COL16A1: variants seen among roughly 807,000 people sequenced by gnomAD.
COL16A1 encodes the protein collagen alpha-1(XVI) chain.
Under a neutral mutation model 266.3 loss-of-function variants are expected in COL16A1, and 189 were observed. That is an observed-to-expected ratio of 0.71 (90% CI 0.63 to 0.80). The LOEUF is 0.80. Among genes scored for constraint, COL16A1 ranks in the 30% least tolerant of loss-of-function variants. The probability of loss-of-function intolerance (pLI) is 0.00; values close to 1 mark genes in which losing one functional copy is unlikely to be tolerated. For missense variants in COL16A1, 1,928 were observed against 2,122.4 expected (o/e 0.91, Z 1.80); for synonymous variants, 740 against 782.3 (o/e 0.95, Z 0.90).
At chr1:31,686,453 G>A in intron 26 of COL16A1, 174 bp from the exon 27 acceptor site, 3 of 872,086 alleles carry the variant, frequency 3.4e-6, no homozygotes, top group East Asian at 5.3e-5. Context: ...ACCAGCCAGG[G>A]GCTAGAAGCC....
At position 31,663,032 on chromosome 1, in the gene COL16A1, C is replaced by T; in HGVS notation, c.3556-374G>A. The T allele has an allele frequency of 3.4e-6, 1 of 291,746 alleles. No homozygotes were observed. Among genetic ancestry groups the T allele is most frequent in the Non-Finnish European group, 6.6e-6 (1 of 151,884 alleles). 18.1% of individuals were successfully genotyped at this position (291,746 alleles called of 1,614,324 possible). A position where few individuals can be genotyped will look rare whatever the true frequency, so the allele number is the denominator to read the frequency against. On this transcript the variant is annotated intron_variant, in intron 56 of 70. Transcript: ENST00000373672. This position sits in a 1 kb window ranked among gnomAD's most constrained non-coding sequence, Gnocchi z 4.9. Reference sequence around the variant, plus strand: ...TACTCCATCAGACCCCCTGCCTCCTCCCCACCTACCTCCCTACCTTTCCCC... The same window carrying T: ...TACTCCATCAGACCCCCTGCCTCCTTCCCACCTACCTCCCTACCTTTCCCC...
At chr1:31,665,273 C>T in intron 55 of COL16A1, 39 bp from the exon 56 acceptor site, 1 of 1,578,286 alleles carries the variant, frequency 6.3e-7, no homozygotes, top group Non-Finnish European at 8.6e-7. Context: ...GAAAGTGGGG[C>T]TGGAGGGGGA....
At position 31,688,515 on chromosome 1, in the gene COL16A1, C is replaced by A. The variant is rs1245113402; in HGVS notation, c.1768-13G>T. On this transcript the variant is annotated splice_polypyrimidine_tract_variant and intron_variant, in intron 25 of 70. Coordinates refer to ENST00000373672, the MANE Select transcript of COL16A1 (RefSeq NM_001856.4). The surrounding 1 kb of genome is among the most constrained non-coding windows in gnomAD (Gnocchi z 4.9). ...CCCCAGCTCTACCCTGAAAAACAAC[C>A]AAGACAGAGTCTCAGCATCTCCCCA... 6.2e-7 allele frequency: 1 copy of A among 1,613,976 alleles called. No homozygotes were observed. Among genetic ancestry groups the A allele is most frequent in the Non-Finnish European group, 8.5e-7 (1 of 1,180,036 alleles).
chr1:31,683,689 G>A lies in COL16A1; in HGVS notation c.2379+18C>T. ...GGAAGTGCTGAGAGGACAGGCAAAGGCAGGGCTAGAGACTCACCTGGGGTC... is the reference window on the plus strand; with the variant it reads ...GGAAGTGCTGAGAGGACAGGCAAAGACAGGGCTAGAGACTCACCTGGGGTC... On this transcript the variant is annotated intron_variant, in intron 34 of 70. Transcript: ENST00000373672. 1.9e-6 allele frequency: 3 copies of A among 1,614,066 alleles called. No homozygotes were observed. Among genetic ancestry groups the A allele is most frequent in the Non-Finnish European group, 2.5e-6 (3 of 1,180,000 alleles).
chr1:31,694,915 G>A (rs943038040), intron 11 of COL16A1, among the ~76,000 whole-genome samples: 3 of 152,174 alleles, frequency 2.0e-5, no homozygotes, highest in Non-Finnish European at 4.4e-5. Context: ...CAACCAAGGC[G>A]CTGGTCCTGC....
In COL16A1 at chr1:31,695,216, C is replaced by T. The variant is rs772606360; in HGVS notation, c.951G>A (p.Pro317=). Residue 317 remains proline, a synonymous_variant, in exon 11 of 71, where the codon CCG becomes CCA. Transcript: ENST00000373672. The part of the protein sequence containing the change: ...VHQETAADEC[P]PCVHGARDSN... ...TGTCCCGGGCACCATGGACACAGGG[C>T]GGACACTGAAAGGGAAGAGCAGGCG... 1.2e-4 allele frequency: 200 copies of T among 1,613,718 alleles called. No individual in the cohort carries two copies. Among genetic ancestry groups the T allele is most frequent in the Non-Finnish European group, 1.6e-4 (188 of 1,179,972 alleles).
At chr1:31,675,681 A>G (rs1643125151) in intron 42 of COL16A1, among the ~76,000 whole-genome samples, 1 of 150,672 alleles carries the variant, frequency 6.6e-6, no homozygotes, top group African/African-American at 2.4e-5. Flanking sequence ...TTTTCTTTGT[A>G]GAGACGGGGT....
chr1:31,654,704 C>T (rs755189786), intron 68 of COL16A1, 88 bp downstream of exon 68: 203 of 1,606,398 alleles, frequency 1.3e-4, no homozygotes, highest in Non-Finnish European at 1.7e-4. Context: ...GGACATTGAG[C>T]GTTAAGGAGA....
chr1:31,698,380 A>C lies in COL16A1; in HGVS notation c.390+103T>G. The C allele has an allele frequency of 2.6e-6, 4 of 1,566,428 alleles. No homozygotes were observed. In the South Asian group the frequency reaches 4.8e-5, roughly 19 times the overall value. On this transcript the variant is annotated intron_variant, in intron 5 of 70. Transcript: ENST00000373672. This position sits in a 1 kb window ranked among gnomAD's most constrained non-coding sequence, Gnocchi z 4.1. ...GGACAGGCTTGAGGGTAGGCACAGG[A>C]TGGAGCAGGGAGACCCCAGAAGTCA...
chr1:31,684,814 C>A lies in COL16A1; in HGVS notation c.2052+7G>T. 1 of 1,614,114 alleles carries A rather than the reference C, an allele frequency of 6.2e-7. No individual in the cohort carries two copies. Among genetic ancestry groups the A allele is most frequent in the Non-Finnish European group, 8.5e-7 (1 of 1,180,022 alleles). On this transcript the variant is annotated splice_region_variant and intron_variant, in intron 30 of 70. Coordinates refer to ENST00000373672, the MANE Select transcript of COL16A1 (RefSeq NM_001856.4). The stretch of plus-strand genomic sequence containing the variant: ...GCCCACCCCCGTGCCCACGGACGCC[C>A]TCTCACCTTCTGCCCCTTCAGTCCA...
At chr1:31,666,247 C>G (rs1176100137) in intron 52 of COL16A1, 166 bp from the exon 53 acceptor site, 5 of 733,872 alleles carry the variant, frequency 6.8e-6, no homozygotes, top group East Asian at 5.6e-5. Context: ...TGCTCTTGCC[C>G]GAGCTACTGA....
At chr1:31,701,317 G>C in intron 2 of COL16A1, 2 of 985,380 alleles carry the variant, frequency 2.0e-6, no homozygotes, top group Non-Finnish European at 2.4e-6. Context: ...AGGGAGAGGA[G>C]AGCAAAGCTC....
chr1:31,667,620 C>G lies in COL16A1; in HGVS notation c.3312G>C (p.Lys1104Asn). 4 of 1,605,644 alleles carry G rather than the reference C, an allele frequency of 2.5e-6. No individual in the cohort carries two copies. The South Asian group carries it at 3.4e-5, about 13-fold the overall frequency. Residue 1104 changes from lysine (K) to asparagine (N), a missense_variant, in exon 52 of 71, where the codon AAG becomes AAC. Coordinates refer to ENST00000373672, the MANE Select transcript of COL16A1 (RefSeq NM_001856.4). ...ATGPPGLPGIKGERGYTGSAG... is the reference protein window; with the variant it reads ...ATGPPGLPGINGERGYTGSAG... The stretch of plus-strand genomic sequence containing the variant: ...CTGACCCGGTGTAGCCACGCTCCCC[C>G]TTGATGCCCTGACAAGTGGCAAAGA...
At chr1:31,686,808 G>T (rs1302541366) in intron 26 of COL16A1, among the ~76,000 whole-genome samples, 2 of 152,256 alleles carry the variant, frequency 1.3e-5, no homozygotes, top group East Asian at 3.8e-4. Context: ...AAGAATGGGG[G>T]AGGGTAGAGA....
At chr1:31,690,245 G>C in intron 22 of COL16A1, 122 bp downstream of exon 22, 1 of 1,455,360 alleles carries the variant, frequency 6.9e-7, no homozygotes, top group East Asian at 2.5e-5. Flanking sequence ...GAGGAAGAAC[G>C]GGTGGGGGTC....
In COL16A1 at chr1:31,657,177, A is replaced by G. The variant is rs1641239773; in HGVS notation, c.4021-109T>C. ...CAGCCCCCTGTTCCACCCAGAGGCC[A>G]CGATCCTCCAGCCCTCACCCTCTGA... On this transcript the variant is annotated intron_variant, in intron 64 of 70. Transcript: ENST00000373672. The surrounding 1 kb of genome is among the most constrained non-coding windows in gnomAD (Gnocchi z 6.4). 1 of 1,381,136 alleles carries G rather than the reference A, an allele frequency of 7.2e-7. No homozygotes were observed. Among genetic ancestry groups the G allele is most frequent in the African/African-American group, 1.4e-5 (1 of 70,084 alleles). The allele number at this position is 1,381,136 out of a possible 1,614,324, so 85.6% of individuals were successfully genotyped here.
chr1:31,668,178 G>A lies in COL16A1; in HGVS notation c.3290C>T (p.Pro1097Leu), dbSNP rs760114236. Residue 1097 changes from proline to leucine, a missense_variant, in exon 51 of 71, where the codon CCC (proline) becomes CTC (leucine). By Grantham distance (98) the Pro-to-Leu change is moderately conservative (BLOSUM62 -3). Coordinates refer to ENST00000373672, the MANE Select transcript of COL16A1 (RefSeq NM_001856.4). The surrounding 1 kb of genome is among the most constrained non-coding windows in gnomAD (Gnocchi z 5.8). ...GQPGYPGATG[P>L]PGLPGIKGER... ...CCCCTTACTCACAGGCAGTCCTGGGGGGCCCGTGGCACCTGGGTAACCTGG... is the reference window on the plus strand; with the variant it reads ...CCCCTTACTCACAGGCAGTCCTGGGAGGCCCGTGGCACCTGGGTAACCTGG... 5 of 1,612,860 alleles carry A rather than the reference G, an allele frequency of 3.1e-6. No individual in the cohort carries two copies. In the South Asian group the frequency reaches 5.5e-5, roughly 18 times the overall value.
rs1238665607 is a variant in COL16A1 at position 31,679,621 on chromosome 1, T to TC, written c.2772+10dup. Reference sequence around the variant, plus strand: ...GCCACCCAAGCTCCTCATTCTCTTCTCCCCCTTTACCTGCAGCCCAGGTAC... The same window carrying TC: ...GCCACCCAAGCTCCTCATTCTCTTCTCCCCCCTTTACCTGCAGCCCAGGTAC... On this transcript the variant is annotated intron_variant, in intron 42 of 70. Transcript: ENST00000373672. 6.2e-7 allele frequency: 1 copy of TC among 1,614,018 alleles called. No homozygotes were observed. The highest frequency in any genetic ancestry group is 8.5e-7 in the Non-Finnish European group (1 of 1,179,996).
At position 31,670,510 on chromosome 1, in the gene COL16A1, GAGGTGA is replaced by G. The variant is rs1236518540; in HGVS notation, c.3195+86_3195+91del. ...AGGGGGACAACAAACACGGAGGACG[GAGGTGA>G]AGGCACGACAGGAGGGAGACAAGCA... On this transcript the variant is annotated intron_variant, in intron 49 of 70. Coordinates refer to ENST00000373672, the MANE Select transcript of COL16A1 (RefSeq NM_001856.4). The surrounding 1 kb of genome is among the most constrained non-coding windows in gnomAD (Gnocchi z 4.5). 1.6e-6 allele frequency: 2 copies of G among 1,290,038 alleles called. No homozygotes were observed. Among genetic ancestry groups the G allele is most frequent in the East Asian group, 6.3e-5 (2 of 31,864 alleles). 79.9% of individuals were successfully genotyped at this position (1,290,038 alleles called of 1,614,324 possible).
Sources: allele counts gnomAD v4.1 joint callset (sites outside exome capture counted in the v4.1 genomes callset), GRCh38; gene constraint gnomAD v4.1.1; non-coding constraint Gnocchi (gnomAD v3.1); transcripts MANE v1.5; gene names NCBI Gene and HGNC (gene_info 2026-07-23, HGNC 2026-07-21).